PLCH1: variants seen among roughly 807,000 people sequenced by gnomAD.
The protein encoded by PLCH1 is 1-phosphatidylinositol 4,5-bisphosphate phosphodiesterase eta-1.
In PLCH1, 60 loss-of-function variants were observed where a neutral mutation model predicts 126.7. That is an observed-to-expected ratio of 0.47 (90% confidence interval 0.38 to 0.59). The LOEUF (loss-of-function observed/expected upper bound fraction) is 0.59, where lower values mean the gene tolerates loss of function less well. Among genes scored for constraint, PLCH1 ranks in the 20% least tolerant of loss-of-function variants. The probability of loss-of-function intolerance (pLI) is 0.00; values close to 1 mark genes in which losing one functional copy is unlikely to be tolerated. For missense variants in PLCH1, 1,723 were observed against 2,040.0 expected (o/e 0.84, Z 2.99); for synonymous variants, 719 against 734.9 (o/e 0.98, Z 0.35).
intron 6 of PLCH1, among the ~76,000 whole-genome samples, chr3:155,568,597 A>G (rs1268075508): frequency 2.0e-5 from 3 of 152,234 alleles, no homozygotes; most frequent in African/African-American, 4.8e-5. Flanking sequence ...TCAGTTATCA[A>G]TGTGAATCCA....
chr3:155,467,047 G>A (rs115097287), intron 21 of PLCH1, among the ~76,000 whole-genome samples: 1,579 of 152,150 alleles, frequency 0.01, 26 homozygotes, highest in African/African-American at 0.035. Context: ...TTAAAGAAGC[G>A]GTAGAGAAAG....
intron 21 of PLCH1, among the ~76,000 whole-genome samples, chr3:155,472,560 C>A (rs1448038897): frequency 2.0e-5 from 3 of 151,802 alleles, no homozygotes; most frequent in African/African-American, 7.3e-5. Context: ...AAGAGGGAAT[C>A]CTCCCTAACT....
At chr3:155,650,943 C>T (rs1740641880) in intron 2 of PLCH1, among the ~76,000 whole-genome samples, 1 of 151,714 alleles carries the variant, frequency 6.6e-6, no homozygotes, top group South Asian at 2.1e-4. Context: ...GAGGGTCAGG[C>T]AGGAGAATCG....
rs560641240 is a variant in PLCH1, at chr3:155,694,500, G to A, written c.79+9646C>T. ...CACATTGGCACAATTTTAAAGAATGGTCATTTGTAGAAATGCATTGATGTT... is the reference window on the plus strand; with the variant it reads ...CACATTGGCACAATTTTAAAGAATGATCATTTGTAGAAATGCATTGATGTT... On this transcript the variant is annotated intron_variant, in intron 2 of 22. Transcript: ENST00000460012. 2.9e-4 allele frequency among the ~76,000 whole-genome samples: 44 copies of A among 152,280 alleles called. No homozygotes were observed. In the East Asian group the frequency reaches 6.9e-3, roughly 24 times the overall value.
chr3:155,638,379 G>C (rs920954891), intron 2 of PLCH1, among the ~76,000 whole-genome samples: 3 of 152,106 alleles, frequency 2.0e-5, no homozygotes, highest in Non-Finnish European at 4.4e-5. Context: ...CCATGTACAT[G>C]TTCCCCACCA....
chr3:155,589,980 CA>C (rs1376281025), intron 4 of PLCH1, among the ~76,000 whole-genome samples: 1 of 152,102 alleles, frequency 6.6e-6, no homozygotes, highest in African/African-American at 2.4e-5. Context: ...ATAGCACAGG[CA>C]GAGTGGGGGC....
intron 1 of PLCH1, among the ~76,000 whole-genome samples, chr3:155,740,295 C>CAGTT (rs1207810197): frequency 1.3e-5 from 2 of 151,682 alleles, no homozygotes; most frequent in African/African-American, 4.8e-5. Flanking sequence ...CCTGTAATCC[C>CAGTT]AGTTACTCAG....
chr3:155,705,684 T>C (rs1000586165), intron 1 of PLCH1, among the ~76,000 whole-genome samples: 1 of 152,224 alleles, frequency 6.6e-6, no homozygotes, highest in East Asian at 1.9e-4. Context: ...ATGATGCTCA[T>C]TTGTCCCTTA....
At chr3:155,527,547 T>C (rs573122742) in intron 10 of PLCH1, among the ~76,000 whole-genome samples, 1 of 152,346 alleles carries the variant, frequency 6.6e-6, no homozygotes, top group South Asian at 2.1e-4. Flanking sequence ...AAGCATAATC[T>C]ACATTAAGAA....
At chr3:155,744,275 G>C (rs1285786860) in intron 1 of PLCH1, among the ~76,000 whole-genome samples, 2 of 152,146 alleles carry the variant, frequency 1.3e-5, no homozygotes, top group Non-Finnish European at 2.9e-5. Flanking sequence ...CGCGCCGCTC[G>C]GGCGCTCTTG....
chr3:155,526,391 T>C (rs1721902604), intron 10 of PLCH1, among the ~76,000 whole-genome samples: 1 of 95,636 alleles, frequency 1.0e-5, no homozygotes, highest in Non-Finnish European at 2.0e-5. Flanking sequence ...CTCTCTCTCT[T>C]CTTTCTCTCT....
At chr3:155,584,227 A>G (rs919481775) in intron 5 of PLCH1, among the ~76,000 whole-genome samples, 10 of 152,228 alleles carry the variant, frequency 6.6e-5, no homozygotes, top group Non-Finnish European at 1.5e-5. Flanking sequence ...AGAAATCTTG[A>G]AAAAGACTAA....
intron 2 of PLCH1, among the ~76,000 whole-genome samples, chr3:155,642,357 TCC>T (rs1309537283): frequency 6.6e-6 from 1 of 152,176 alleles, no homozygotes; most frequent in East Asian, 1.9e-4. Flanking sequence ...TTGCAGACTC[TCC>T]CACACTGTCT....
chr3:155,619,077 G>C (rs1736140376), intron 2 of PLCH1, among the ~76,000 whole-genome samples: 1 of 148,136 alleles, frequency 6.8e-6, no homozygotes, highest in Non-Finnish European at 1.5e-5. Context: ...AGGCTTGTCT[G>C]GGAAAACTCT....
chr3:155,682,468 A>T (rs1318277673), intron 2 of PLCH1, among the ~76,000 whole-genome samples: 8 of 152,192 alleles, frequency 5.3e-5, no homozygotes. Context: ...AATGTACCTA[A>T]ATGCTCAATT....
intron 21 of PLCH1, among the ~76,000 whole-genome samples, chr3:155,471,935 G>C (rs1235888028): frequency 2.0e-5 from 3 of 152,038 alleles, no homozygotes; most frequent in African/African-American, 7.2e-5. Flanking sequence ...GCAGTGTGTA[G>C]AGTGAAATTT....
chr3:155,620,984 G>A (rs551397126), intron 2 of PLCH1, among the ~76,000 whole-genome samples: 2 of 152,158 alleles, frequency 1.3e-5, no homozygotes, highest in Non-Finnish European at 2.9e-5. Flanking sequence ...CTCCCAGTAG[G>A]GGCTGACAGA....
chr3:155,707,676 G>A (rs1331321224), intron 1 of PLCH1, among the ~76,000 whole-genome samples: 1 of 148,716 alleles, frequency 6.7e-6, no homozygotes, highest in Admixed American at 6.8e-5. Flanking sequence ...AAAAAAAAAC[G>A]GTGAAAGATA....
chr3:155,656,139 A>AT (rs1332703066), intron 2 of PLCH1, among the ~76,000 whole-genome samples: 1 of 151,702 alleles, frequency 6.6e-6, no homozygotes, highest in African/African-American at 2.4e-5. Flanking sequence ...TAATAGTTCA[A>AT]TTTTCATAGA....
Sources: allele counts gnomAD v4.1 joint callset (sites outside exome capture counted in the v4.1 genomes callset), GRCh38; gene constraint gnomAD v4.1.1; transcripts MANE v1.5; gene names NCBI Gene and HGNC (gene_info 2026-07-23, HGNC 2026-07-21).